Variants in NFATC3 observed in about 807,000 individuals in gnomAD.
The protein encoded by NFATC3 is nuclear factor of activated T cells 3.
NFATC3 carries 46 observed loss-of-function variants against 98.6 expected under a neutral mutation model. The observed-to-expected ratio is 0.47, with a 90% confidence interval of 0.37 to 0.60. The LOEUF (loss-of-function observed/expected upper bound fraction) is 0.60, where lower values mean the gene tolerates loss of function less well. NFATC3 is among the 20% of genes least tolerant of loss of function. The probability of loss-of-function intolerance (pLI) is 0.00; values close to 1 mark genes in which losing one functional copy is unlikely to be tolerated. For synonymous variants in NFATC3, 512 were observed against 472.2 expected, an observed-to-expected ratio of 1.08 and a Z score of -1.09; for missense variants, 1,256 against 1,295.5, an observed-to-expected ratio of 0.97 and a Z score of 0.47.
chr16:68,105,418 T>G (rs1449766370), intron 1 of NFATC3, among the ~76,000 whole-genome samples: 1 of 152,122 alleles, frequency 6.6e-6, no homozygotes, highest in African/African-American at 2.4e-5. Flanking sequence ...ACTCTATTAA[T>G]ATGGTATATT....
intron 3 of NFATC3, among the ~76,000 whole-genome samples, chr16:68,139,432 A>G (rs758828731): frequency 1.8e-4 from 27 of 152,216 alleles, no homozygotes; most frequent in Non-Finnish European, 3.5e-4. Context: ...TAAGATATCT[A>G]CATTGGCATC....
chr16:68,153,237 A>G (rs1314283449), intron 3 of NFATC3, among the ~76,000 whole-genome samples: 5 of 152,192 alleles, frequency 3.3e-5, no homozygotes, highest in African/African-American at 9.7e-5. Context: ...CATGGCCAAC[A>G]TGGTGAAACC....
Position 68,123,035 on chromosome 16 carries a change from G to A in NFATC3, c.1152G>A (p.Lys384=), listed in dbSNP as rs1598401495. 2 of 1,613,406 alleles carry A rather than the reference G, an allele frequency of 1.2e-6. No individual in the cohort carries two copies. The highest frequency in any genetic ancestry group is 2.2e-5 in the South Asian group (2 of 91,084). The change falls in exon 2 of 10, where the codon AAG becomes AAA. Residue 384 remains lysine (K), a synonymous_variant. Coordinates refer to ENST00000346183, the MANE Select transcript of NFATC3 (RefSeq NM_173165.3). Reference sequence around the variant, plus strand: ...GCCTTGGATCTCAGTATCCTTTAAAGAAAGATTCATGTGGTGATCAGTTTC... The same window carrying A: ...GCCTTGGATCTCAGTATCCTTTAAAAAAAGATTCATGTGGTGATCAGTTTC... The part of the protein sequence containing the change: ...DDGLGSQYPL[K]KDSCGDQFLS...
chr16:68,178,023 T>G (rs1489312247), intron 6 of NFATC3, among the ~76,000 whole-genome samples: 1 of 152,190 alleles, frequency 6.6e-6, no homozygotes, highest in Non-Finnish European at 1.5e-5. Context: ...TTATTCTTGT[T>G]TGTTTTTTTA....
chr16:68,159,955 G>A (rs978033944), intron 4 of NFATC3, among the ~76,000 whole-genome samples: 4 of 152,016 alleles, frequency 2.6e-5, no homozygotes, highest in Middle Eastern at 3.4e-3. Context: ...GCGGGTGTCT[G>A]TAATCCCAGC....
At chr16:68,155,072 A>T (rs2038535211) in intron 3 of NFATC3, among the ~76,000 whole-genome samples, 1 of 152,226 alleles carries the variant, frequency 6.6e-6, no homozygotes, top group Non-Finnish European at 1.5e-5. Flanking sequence ...CCTGGGTAAA[A>T]TTGTATTACC....
chr16:68,122,426 T>C lies in NFATC3; in HGVS notation c.543T>C (p.Ser181=), dbSNP rs1299665826. Residue 181 remains serine, a synonymous_variant, in exon 2 of 10, where the codon TCT becomes TCC. Coordinates refer to ENST00000346183, the MANE Select transcript of NFATC3 (RefSeq NM_173165.3). ...SSRSWFSDAS[S]CESLSHIYDD... is the part of the protein sequence containing the mutation. ...GGAGTTGGTTCTCTGATGCATCTTC[T>C]TGTGAATCGCTTTCACATATTTATG... 9 of 1,614,044 alleles carry C rather than the reference T, an allele frequency of 5.6e-6. No homozygotes were observed. In the East Asian group the frequency reaches 6.7e-5, roughly 12 times the overall value.
chr16:68,172,737 G>A (rs184918094), intron 5 of NFATC3, among the ~76,000 whole-genome samples: 2 of 152,302 alleles, frequency 1.3e-5, no homozygotes, highest in African/African-American at 4.8e-5. Context: ...CTGTGATCAT[G>A]CCATTGCACT....
At chr16:68,193,583 C>T (rs565003684) in intron 9 of NFATC3, among the ~76,000 whole-genome samples, 14 of 152,000 alleles carry the variant, frequency 9.2e-5, no homozygotes, top group African/African-American at 3.4e-4. Context: ...GTGGGAGGAT[C>T]GCTTGAGTCC....
intron 1 of NFATC3, chr16:68,086,006 T>C (rs1598327906): frequency 2.3e-6 from 1 of 430,588 alleles, no homozygotes; most frequent in East Asian, 3.9e-5. Context: ...AGCAAACTAG[T>C]GGGGAACTCG....
At chr16:68,206,190 A>T (rs1484866703) in intron 9 of NFATC3, among the ~76,000 whole-genome samples, 2 of 152,218 alleles carry the variant, frequency 1.3e-5, no homozygotes, top group Non-Finnish European at 2.9e-5. Context: ...GAGCTGTGAA[A>T]ACCTAATTAA....
At chr16:68,173,251 G>A (rs796255586) in intron 5 of NFATC3, among the ~76,000 whole-genome samples, 1 of 151,440 alleles carries the variant, frequency 6.6e-6, no homozygotes, top group Non-Finnish European at 1.5e-5. Context: ...GGGCAACAGA[G>A]CAAGTCTCTG....
intron 3 of NFATC3, among the ~76,000 whole-genome samples, chr16:68,143,181 T>C (rs576668947): frequency 9.4e-5 from 13 of 138,720 alleles, no homozygotes; most frequent in Non-Finnish European, 1.8e-4. Flanking sequence ...AGTTATGCAC[T>C]GTAGCCTGGG....
chr16:68,124,255 C>G (rs2036711156), intron 2 of NFATC3, among the ~76,000 whole-genome samples: 1 of 151,820 alleles, frequency 6.6e-6, no homozygotes, highest in Admixed American at 6.6e-5. Flanking sequence ...GCGTATACCA[C>G]CACACTCAAT....
In NFATC3 at chr16:68,174,603, G is replaced by C. The variant is rs1846711029; in HGVS notation, c.1915+89G>C. 6 of 1,162,264 alleles carry C rather than the reference G, an allele frequency of 5.2e-6. No homozygotes were observed. The East Asian group carries it at 8.3e-5, about 16-fold the overall frequency. The allele number at this position is 1,162,264 out of a possible 1,614,324, so 72.0% of individuals were successfully genotyped here. Reference sequence around the variant, plus strand: ...ATGTTTCTGTAACAAAAATTACAAAGTAGTTTTCATAAAGCTATGGGTGTC... The same window carrying C: ...ATGTTTCTGTAACAAAAATTACAAACTAGTTTTCATAAAGCTATGGGTGTC... On this transcript the variant is annotated intron_variant, in intron 6 of 9. Transcript: ENST00000346183.
chr16:68,161,914 TCTAAA>T (rs2038911895), intron 4 of NFATC3, among the ~76,000 whole-genome samples: 2 of 152,196 alleles, frequency 1.3e-5, no homozygotes, highest in African/African-American at 2.4e-5. Context: ...AGCAGTAGGA[TCTAAA>T]TTTACCTGTC....
chr16:68,115,348 C>T (rs987276044), intron 1 of NFATC3, among the ~76,000 whole-genome samples: 1 of 152,098 alleles, frequency 6.6e-6, no homozygotes, highest in East Asian at 1.9e-4. Flanking sequence ...AGGCATGAGC[C>T]GCTGCACCCG....
chr16:68,214,403 T>A, intron 9 of NFATC3: 1 of 1,614,194 alleles, frequency 6.2e-7, no homozygotes, highest in Non-Finnish European at 8.5e-7. Flanking sequence ...TGTGCTCTCA[T>A]GTCCAGCTCC....
chr16:68,201,409 G>T (rs989832153), intron 9 of NFATC3, among the ~76,000 whole-genome samples: 8 of 151,346 alleles, frequency 5.3e-5, no homozygotes, highest in Non-Finnish European at 7.4e-5. Context: ...TTTTTGGGGG[G>T]TTTTTTGTTT....
Sources: gnomAD v4.1 joint callset for allele counts (sites outside exome capture counted in the v4.1 genomes callset) on GRCh38, gnomAD v4.1.1 for gene constraint, MANE v1.5 for transcripts, NCBI Gene and HGNC (gene_info 2026-07-23, HGNC 2026-07-21) for gene names.